Variants in PACRG observed in about 807,000 individuals in gnomAD.
PACRG encodes the protein parkin coregulated gene protein.
PACRG carries 29 observed loss-of-function variants against 29.7 expected under a neutral mutation model. The ratio of observed to expected loss-of-function variants is 0.98; its 90% CI spans 0.73 to 1.33. The LOEUF (loss-of-function observed/expected upper bound fraction) is 1.33. PACRG is among the 40% of genes most tolerant of loss of function. PACRG has a pLI of 0.00. For synonymous variants in PACRG, 116 were observed against 118.7 expected, an observed-to-expected ratio of 0.98 and a Z score of 0.15; for missense variants, 279 against 316.2, an observed-to-expected ratio of 0.88 and a Z score of 0.89.
At chr6:162,731,305 C>G (rs1421890367) in intron 1 of PACRG, among the ~76,000 whole-genome samples, 4 of 151,938 alleles carry the variant, frequency 2.6e-5, no homozygotes, top group African/African-American at 7.3e-5. Context: ...ATAGTCAGCT[C>G]TTTGTACAGA....
intron 4 of PACRG, among the ~76,000 whole-genome samples, chr6:163,220,592 A>T (rs1367776778): frequency 6.6e-6 from 1 of 152,228 alleles, no homozygotes; most frequent in African/African-American, 2.4e-5. Flanking sequence ...TAGGTAAGAA[A>T]ATTGCAGTCC....
In PACRG at chr6:163,261,155, T is replaced by C. The variant is rs552025919; in HGVS notation, c.614-53672T>C. Among the ~76,000 whole-genome samples the C allele has an allele frequency of 1.1e-3, 175 of 152,214 alleles. 1 individual carries two copies. The highest frequency in any genetic ancestry group is 4.1e-3 in the African/African-American group (170 of 41,536). On this transcript the variant is annotated intron_variant, in intron 4 of 4. Coordinates refer to ENST00000366888, the MANE Select transcript of PACRG (RefSeq NM_001080379.2). ...CTCCCTCTGTCTTCCCGGCTCCCCA[T>C]GTTCCTGAGCCCGGAGCTGATCTCC...
chr6:162,743,843 C>T (rs982752822), intron 1 of PACRG, among the ~76,000 whole-genome samples: 1 of 152,128 alleles, frequency 6.6e-6, no homozygotes, highest in African/African-American at 2.4e-5. Flanking sequence ...AAAAAAAACC[C>T]TTAATTATCA....
chr6:162,846,171 G>C (rs1230329444), intron 2 of PACRG, among the ~76,000 whole-genome samples: 1 of 152,118 alleles, frequency 6.6e-6, no homozygotes, highest in African/African-American at 2.4e-5. Context: ...AGCCACAGTG[G>C]CCTGTCAGAG....
In PACRG at chr6:163,203,741, A is replaced by G. The variant is rs117037865; in HGVS notation, c.614-111086A>G. ...AGGGCAACAGGCAGTATACCAATGC[A>G]GTTCTGGTCTTGTAGTTTCAAAAGG... On this transcript the variant is annotated intron_variant, in intron 4 of 4. Transcript: ENST00000366888. 9.8e-5 allele frequency among the ~76,000 whole-genome samples: 15 copies of G among 152,376 alleles called. No individual in the cohort carries two copies. In the East Asian group the frequency reaches 2.9e-3, roughly 29 times the overall value.
chr6:162,912,043 C>T (rs1231018164), intron 2 of PACRG, among the ~76,000 whole-genome samples: 2 of 152,180 alleles, frequency 1.3e-5, no homozygotes, highest in Non-Finnish European at 2.9e-5. Context: ...CACTGGGGTC[C>T]ATTGGTGTTG....
chr6:163,263,488 C>G (rs1783415645), intron 4 of PACRG, among the ~76,000 whole-genome samples: 1 of 152,160 alleles, frequency 6.6e-6, no homozygotes, highest in Non-Finnish European at 1.5e-5. Flanking sequence ...AAGGTCAAGT[C>G]TGTGCAGAAA....
intron 2 of PACRG, among the ~76,000 whole-genome samples, chr6:162,869,360 C>CA (rs1395062206): frequency 2.0e-5 from 3 of 151,840 alleles, no homozygotes; most frequent in Admixed American, 2.0e-4. Context: ...TAAATCAGAA[C>CA]AAAAAAAGAT....
chr6:162,976,968 T>C (rs1448361364), intron 2 of PACRG, among the ~76,000 whole-genome samples: 1 of 151,978 alleles, frequency 6.6e-6, no homozygotes, highest in Non-Finnish European at 1.5e-5. Context: ...GAAAACAGGG[T>C]AAAATACCAC....
intron 2 of PACRG, chr6:162,997,343 T>G: frequency 2.3e-6 from 1 of 429,354 alleles, no homozygotes; most frequent in Non-Finnish European, 4.6e-6. Context: ...AAAGTATGGT[T>G]TATTTGCTTA....
At chr6:163,042,990 C>G (rs1489397969) in intron 2 of PACRG, 1 of 152,028 alleles carries the variant, frequency 6.6e-6, no homozygotes, top group African/African-American at 2.4e-5. Flanking sequence ...GTTCTTATCC[C>G]CTAGATTTAT....
chr6:163,212,980 T>A (rs377660570), intron 4 of PACRG, among the ~76,000 whole-genome samples: 78 of 152,078 alleles, frequency 5.1e-4, no homozygotes, highest in Non-Finnish European at 8.5e-4. Context: ...GGGTTTCACC[T>A]TGTTAGCCAG....
chr6:163,101,467 C>G, intron 4 of PACRG: 1 of 898,964 alleles, frequency 1.1e-6, no homozygotes, highest in Non-Finnish European at 1.3e-6. Flanking sequence ...ATCACCTAAC[C>G]AAATGTCTTA....
At chr6:162,761,675 A>G (rs1223492929) in intron 1 of PACRG, among the ~76,000 whole-genome samples, 1 of 152,168 alleles carries the variant, frequency 6.6e-6, no homozygotes, top group Non-Finnish European at 1.5e-5. Flanking sequence ...ACGGTGGCTC[A>G]CGCCTGTAAT....
At chr6:163,014,663 T>C (rs1307056417) in intron 2 of PACRG, among the ~76,000 whole-genome samples, 1 of 152,154 alleles carries the variant, frequency 6.6e-6, no homozygotes. Flanking sequence ...TTTTGAGAAG[T>C]GTCTGTTCAT....
chr6:163,130,122 A>C (rs1816675368), intron 4 of PACRG, among the ~76,000 whole-genome samples: 1 of 152,240 alleles, frequency 6.6e-6, no homozygotes, highest in South Asian at 2.1e-4. Context: ...TGAGGGAACA[A>C]TGAAGAAAAC....
chr6:163,129,602 G>A (rs950466471), intron 4 of PACRG, among the ~76,000 whole-genome samples: 3 of 152,130 alleles, frequency 2.0e-5, no homozygotes, highest in Admixed American at 6.5e-5. Context: ...TCCAGTGGCC[G>A]CCCAGGTTTT....
At chr6:163,039,051 G>A (rs899783110) in intron 2 of PACRG, among the ~76,000 whole-genome samples, 2 of 152,138 alleles carry the variant, frequency 1.3e-5, no homozygotes, top group African/African-American at 2.4e-5. Flanking sequence ...GTGTGTCGAG[G>A]GAGGGACCTG....
intron 2 of PACRG, among the ~76,000 whole-genome samples, chr6:162,840,154 G>A (rs1789629942): frequency 1.0e-5 from 1 of 99,800 alleles, no homozygotes; most frequent in African/African-American, 4.2e-5. Context: ...GCTTGATGGG[G>A]ATGGCATTGA....
Sources: gnomAD v4.1 joint callset for allele counts (sites outside exome capture counted in the v4.1 genomes callset) on GRCh38, gnomAD v4.1.1 for gene constraint, MANE v1.5 for transcripts, NCBI Gene and HGNC (gene_info 2026-07-23, HGNC 2026-07-21) for gene names.